Variants in CACNA1E observed in about 807,000 individuals in gnomAD.
The protein encoded by CACNA1E is voltage-dependent R-type calcium channel subunit alpha-1E.
In CACNA1E, 40 loss-of-function variants were observed where a neutral mutation model predicts 259.2. That is an observed-to-expected ratio of 0.15 (90% CI 0.12 to 0.20). The LOEUF (loss-of-function observed/expected upper bound fraction) is 0.20. Among genes scored for constraint, CACNA1E ranks in the 10% least tolerant of loss-of-function variants. The probability of loss-of-function intolerance (pLI) is 1.00; values close to 1 mark genes in which losing one functional copy is unlikely to be tolerated. For missense variants in CACNA1E, 1,874 were observed against 3,040.1 expected, an observed-to-expected ratio of 0.62 and a Z score of 9.02; for synonymous variants, 1,104 against 1,138.5, an observed-to-expected ratio of 0.97 and a Z score of 0.61.
At chr1:181,497,126 C>T (rs932873153) in intron 1 of CACNA1E, among the ~76,000 whole-genome samples, 10 of 152,150 alleles carry the variant, frequency 6.6e-5, no homozygotes, top group Admixed American at 4.6e-4. Flanking sequence ...CACCTCCCCC[C>T]ACCTGAAGTT....
chr1:181,501,702 T>C (rs1158820753), intron 1 of CACNA1E, among the ~76,000 whole-genome samples: 1 of 151,964 alleles, frequency 6.6e-6, no homozygotes, highest in Non-Finnish European at 1.5e-5. Flanking sequence ...TTCCATCTTC[T>C]TGACAGCAGG....
intron 7 of CACNA1E, among the ~76,000 whole-genome samples, chr1:181,664,326 T>C (rs769240990): frequency 2.6e-5 from 4 of 152,220 alleles, no homozygotes; most frequent in Non-Finnish European, 5.9e-5. Flanking sequence ...AACAAAGTGC[T>C]CTTTTGAGTT....
At chr1:181,393,658 A>G (rs1656452298) in intron 1 of CACNA1E, among the ~76,000 whole-genome samples, 2 of 152,092 alleles carry the variant, frequency 1.3e-5, no homozygotes, top group African/African-American at 4.8e-5. Context: ...GAGTTTTGCA[A>G]TGTTGCCTAG....
At chr1:181,768,323 G>T (rs1289089928) in intron 35 of CACNA1E, among the ~76,000 whole-genome samples, 3 of 152,196 alleles carry the variant, frequency 2.0e-5, no homozygotes, top group Non-Finnish European at 4.4e-5. Context: ...GGGAGAAAGG[G>T]AGGGAGTGAA....
chr1:181,506,468 G>A (rs1377503728), intron 1 of CACNA1E, among the ~76,000 whole-genome samples: 1 of 152,200 alleles, frequency 6.6e-6, no homozygotes, highest in Non-Finnish European at 1.5e-5. Flanking sequence ...AATGCCTCAT[G>A]TTCATTCTTA....
intron 5 of CACNA1E, 37 bp downstream of exon 5, chr1:181,579,261 C>A: frequency 6.4e-7 from 1 of 1,569,032 alleles, no homozygotes; most frequent in Non-Finnish European, 8.7e-7. Flanking sequence ...CTTTTCCCTT[C>A]TCCCCTCTGT....
chr1:181,651,669 C>T, intron 7 of CACNA1E: 1 of 446,668 alleles, frequency 2.2e-6, no homozygotes, highest in South Asian at 2.9e-5. Flanking sequence ...TCAGGCACAA[C>T]ACTGAACACA....
chr1:181,374,160 A>C (rs1402499780), intron 1 of CACNA1E, among the ~76,000 whole-genome samples: 1 of 152,144 alleles, frequency 6.6e-6, no homozygotes, highest in Non-Finnish European at 1.5e-5. Flanking sequence ...CTTTCTTCTT[A>C]ACACTGCTTT....
At chr1:181,494,367 C>T (rs1401896377) in intron 1 of CACNA1E, among the ~76,000 whole-genome samples, 24 of 149,320 alleles carry the variant, frequency 1.6e-4, no homozygotes, top group Admixed American at 8.6e-4. Context: ...TTGAGATAGT[C>T]AGCTAAAATC....
intron 2 of CACNA1E, among the ~76,000 whole-genome samples, chr1:181,423,084 G>A (rs1218569669): frequency 7.9e-5 from 12 of 152,068 alleles, no homozygotes; most frequent in East Asian, 3.8e-4. Flanking sequence ...TCCAAATTAC[G>A]TAAAAACATC....
At chr1:181,699,269 G>C (rs900667592) in intron 7 of CACNA1E, among the ~76,000 whole-genome samples, 2 of 152,210 alleles carry the variant, frequency 1.3e-5, no homozygotes, top group African/African-American at 4.8e-5. Context: ...TGGCAGAAGA[G>C]ATCCTTTTAT....
rs924377776 is a variant in CACNA1E at position 181,772,282 on chromosome 1, C to T, written c.5139+51C>T. 2.6e-6 allele frequency: 4 copies of T among 1,561,076 alleles called. No individual in the cohort carries two copies. In the East Asian group the frequency reaches 9.0e-5, roughly 35 times the overall value. On this transcript the variant is annotated intron_variant, in intron 37 of 47. Transcript: ENST00000367573. ...GCTATGTGGCCCATCCCATCCTACC[C>T]CTAACCCTCTGATACATAGACCGGA...
intron 25 of CACNA1E, among the ~76,000 whole-genome samples, chr1:181,744,322 A>G (rs1656857058): frequency 6.6e-6 from 1 of 152,168 alleles, no homozygotes; most frequent in Admixed American, 6.5e-5. Flanking sequence ...GCCACATAAT[A>G]TGTTCCTCTG....
At chr1:181,737,778 C>A in intron 23 of CACNA1E, 124 bp downstream of exon 23, 1 of 1,290,476 alleles carries the variant, frequency 7.7e-7, no homozygotes, top group Non-Finnish European at 1.1e-6. Flanking sequence ...GGAAATTGTC[C>A]ACTCCTGTTC....
At chr1:181,378,649 G>C (rs1303836761) in intron 1 of CACNA1E, among the ~76,000 whole-genome samples, 1 of 152,178 alleles carries the variant, frequency 6.6e-6, no homozygotes, top group African/African-American at 2.4e-5. Context: ...GGAAATAACT[G>C]CTGGATAGGA....
At chr1:181,674,175 C>T (rs886265276) in intron 7 of CACNA1E, among the ~76,000 whole-genome samples, 7 of 146,898 alleles carry the variant, frequency 4.8e-5, no homozygotes, top group African/African-American at 1.8e-4. Context: ...GTCAGGAGAT[C>T]GAGACCATCC....
At position 181,511,493 on chromosome 1, in the gene CACNA1E, C is replaced by T; in HGVS notation, c.495C>T (p.Phe165=). The change falls in exon 3 of 48, where the codon TTC becomes TTT. Residue 165 remains phenylalanine (F), a synonymous_variant. Coordinates refer to ENST00000367573, the MANE Select transcript of CACNA1E (RefSeq NM_001205293.3). ...YLRNGWNVMD[F]IVVLSGILAT... ...GCAATGGCTGGAATGTCATGGACTT[C>T]ATCGTGGTCCTCAGTGGGTAAGTCC... is the stretch of plus-strand genomic sequence containing the variant. The T allele has an allele frequency of 6.2e-7, 1 of 1,613,776 alleles. No homozygotes were observed. Among genetic ancestry groups the T allele is most frequent in the Non-Finnish European group, 8.5e-7 (1 of 1,179,866 alleles).
In CACNA1E at chr1:181,353,704, A is replaced by G. The variant is rs74127746; in HGVS notation, c.-15+35581A>G. On this transcript the variant is annotated intron_variant, in intron 1 of 11. Transcript: ENST00000524607. ...ACAGTGTAAATAAACCATTCTTCCC[A>G]ATGCATCCCATTGGCTAAAGCAGTC... is the stretch of plus-strand genomic sequence containing the variant. 4.2e-3 allele frequency among the ~76,000 whole-genome samples: 638 copies of G among 152,284 alleles called. 5 individuals are homozygous for G. The highest frequency in any genetic ancestry group is 0.015 in the African/African-American group (616 of 41,546).
chr1:181,582,754 T>C (rs896562759), intron 6 of CACNA1E, among the ~76,000 whole-genome samples: 3 of 152,204 alleles, frequency 2.0e-5, no homozygotes, highest in Non-Finnish European at 4.4e-5. Flanking sequence ...AGTGCCATGA[T>C]TCCTGCTATC....
Sources: allele counts gnomAD v4.1 joint callset (sites outside exome capture counted in the v4.1 genomes callset), GRCh38; gene constraint gnomAD v4.1.1; transcripts MANE v1.5; gene names NCBI Gene and HGNC (gene_info 2026-07-23, HGNC 2026-07-21).